Variants in GDAP1 observed in about 807,000 individuals in gnomAD.
GDAP1 encodes the protein ganglioside induced differentiation associated protein 1, also known as ganglioside-induced differentiation-associated protein 1.
GDAP1 carries 34 observed loss-of-function variants against 40.1 expected under a neutral mutation model. The observed-to-expected ratio is 0.85, with a 90% CI of 0.64 to 1.13. The LOEUF is 1.13. Ranked by LOEUF, GDAP1 falls within the 50% of genes most tolerant of loss-of-function variation. The pLI is 0.00. For synonymous variants in GDAP1, 170 were observed against 157.4 expected, an observed-to-expected ratio of 1.08 and a Z score of -0.60; for missense variants, 374 against 433.7, an observed-to-expected ratio of 0.86 and a Z score of 1.22.
chr8:74,400,437 T>G (rs56222119), intron 2 of GDAP1, among the ~76,000 whole-genome samples: 71,218 of 148,960 alleles, frequency 0.48, 18,419 homozygotes, highest in East Asian at 0.6. Context: ...ATTTTGAGTC[T>G]ATGTGTGTCT....
intron 2 of GDAP1, among the ~76,000 whole-genome samples, chr8:74,398,945 G>T (rs572506975): frequency 2.0e-5 from 3 of 152,166 alleles, no homozygotes; most frequent in South Asian, 4.1e-4. Context: ...GCTGGATTTG[G>T]TTTGCCAGTA....
chr8:74,482,118 TTGG>T (rs5892459), intron 2 of GDAP1, among the ~76,000 whole-genome samples: 46,064 of 117,510 alleles, frequency 0.39, 8,920 homozygotes, highest in Non-Finnish European at 0.45. Flanking sequence ...GGGTTTTTTT[TTGG>T]GGGGGGGGGG....
intron 2 of GDAP1, among the ~76,000 whole-genome samples, chr8:74,419,519 T>C (rs1052238043): frequency 6.6e-6 from 1 of 152,142 alleles, no homozygotes; most frequent in African/African-American, 2.4e-5. Context: ...AAAATTGGGA[T>C]GCTTGCTTTT....
intron 2 of GDAP1, among the ~76,000 whole-genome samples, chr8:74,473,202 G>T (rs1288914245): frequency 6.6e-6 from 1 of 151,444 alleles, no homozygotes; most frequent in African/African-American, 2.4e-5. Flanking sequence ...TTAGACCTTT[G>T]TCCGATGCAT....
At chr8:74,475,959 G>T (rs1014802450) in intron 2 of GDAP1, among the ~76,000 whole-genome samples, 4 of 152,110 alleles carry the variant, frequency 2.6e-5, no homozygotes, top group African/African-American at 9.7e-5. Context: ...ATGAATTTGG[G>T]TGCTTCTGTG....
At chr8:74,425,266 T>C (rs999320137) in intron 2 of GDAP1, among the ~76,000 whole-genome samples, 1 of 152,372 alleles carries the variant, frequency 6.6e-6, no homozygotes, top group East Asian at 1.9e-4. Context: ...CCATTTTCAA[T>C]GTCTCACATA....
chr8:74,485,467 C>T (rs1586850002), intron 2 of GDAP1, among the ~76,000 whole-genome samples: 1 of 152,180 alleles, frequency 6.6e-6, no homozygotes, highest in Non-Finnish European at 1.5e-5. Context: ...TAGGTGGTCC[C>T]TCGGCATATG....
chr8:74,457,543 T>C (rs541689991), intron 2 of GDAP1, among the ~76,000 whole-genome samples: 1 of 151,922 alleles, frequency 6.6e-6, no homozygotes, highest in South Asian at 2.1e-4. Context: ...TGTTATCAGA[T>C]TGTTTCAAAC....
At chr8:74,470,331 C>T (rs1806533817) in intron 2 of GDAP1, among the ~76,000 whole-genome samples, 1 of 152,238 alleles carries the variant, frequency 6.6e-6, no homozygotes, top group Admixed American at 6.5e-5. Context: ...TATACATGTG[C>T]CATGTTGGTG....
At chr8:74,418,793 G>T (rs918120531) in intron 2 of GDAP1, among the ~76,000 whole-genome samples, 2 of 151,964 alleles carry the variant, frequency 1.3e-5, no homozygotes, top group African/African-American at 4.8e-5. Context: ...TTCAGCAAAG[G>T]TCATGTATTT....
Position 74,365,750 on chromosome 8 carries a change from G to A in GDAP1, c.*1383G>A. 2 of 454,468 alleles carry A rather than the reference G, an allele frequency of 4.4e-6. No homozygotes were observed. 28.2% of individuals were successfully genotyped at this position (454,468 alleles called of 1,614,324 possible). ...TGTAATTCCATTTCATGACCTAGTT[G>A]TATTAGAAAACCTTGATGAACTATA... is the stretch of plus-strand genomic sequence containing the variant. On this transcript the variant is annotated 3_prime_UTR_variant, in exon 6 of 6. Coordinates refer to ENST00000220822, the MANE Select transcript of GDAP1 (RefSeq NM_018972.4).
intron 2 of GDAP1, among the ~76,000 whole-genome samples, chr8:74,372,945 A>G (rs1384503409): frequency 5.9e-5 from 9 of 152,144 alleles, no homozygotes; most frequent in Non-Finnish European, 1.3e-4. Flanking sequence ...ATTTTTGTAT[A>G]AGATGTAAGG....
At chr8:74,383,528 C>A (rs1414473523) in intron 2 of GDAP1, among the ~76,000 whole-genome samples, 3 of 152,140 alleles carry the variant, frequency 2.0e-5, no homozygotes, top group Non-Finnish European at 4.4e-5. Context: ...TCAGTTTCTA[C>A]AAATATTTCC....
intron 2 of GDAP1, among the ~76,000 whole-genome samples, chr8:74,484,995 C>T (rs191191040): frequency 1.3e-5 from 2 of 152,206 alleles, no homozygotes; most frequent in African/African-American, 2.4e-5. Context: ...TTATCCTTTA[C>T]CATTTCAAAC....
Position 74,365,116 on chromosome 8 carries a change from A to G in GDAP1, c.*749A>G. On this transcript the variant is annotated 3_prime_UTR_variant, in exon 6 of 6. Coordinates refer to ENST00000220822, the MANE Select transcript of GDAP1 (RefSeq NM_018972.4). ...GTGGCATCTGTAGCCCTCTTCATAC[A>G]CATAAGTGGCATTTAGGTGAATGTC... 1 of 454,084 alleles carries G rather than the reference A, an allele frequency of 2.2e-6. No homozygotes were observed. The highest frequency in any genetic ancestry group is 4.4e-6 in the Non-Finnish European group (1 of 226,798). The allele number at this position is 454,084 out of a possible 1,614,324, so 28.1% of individuals were successfully genotyped here.
chr8:74,377,303 G>A (rs1053564922), intron 2 of GDAP1, among the ~76,000 whole-genome samples: 2 of 152,008 alleles, frequency 1.3e-5, no homozygotes, highest in East Asian at 1.9e-4. Context: ...ACCTGACAAA[G>A]GATGTATAGT....
rs965906229 is a variant in GDAP1 at position 74,351,199 on chromosome 8, T to C, written c.118-75T>C. ...GTAACACAGGGAAGCCCAGAAAGGC[T>C]GCTTAGCGGTGTCCAGGGAAGTCAT... On this transcript the variant is annotated intron_variant, in intron 1 of 5. Transcript: ENST00000220822. 61 of 1,196,418 alleles carry C rather than the reference T, an allele frequency of 5.1e-5. No homozygotes were observed. The African/African-American group carries it at 7.3e-4, about 14-fold the overall frequency. 74.1% of individuals were successfully genotyped at this position (1,196,418 alleles called of 1,614,324 possible). A position where few individuals can be genotyped will look rare whatever the true frequency, so the allele number is the denominator to read the frequency against.
At position 74,350,551 on chromosome 8, in the gene GDAP1, T is replaced by C. The variant is rs555369956; in HGVS notation, c.90T>C (p.His30=). The C allele has an allele frequency of 3.5e-4, 560 of 1,609,066 alleles. 13 individuals carry two copies. In the South Asian group the frequency reaches 4.1e-3, roughly 12 times the overall value. ...ADAEVKLILY[H]WTHSFSSQKV... ...CGGAGGTTAAGCTCATTCTGTACCATTGGACGCATTCCTTCAGCTCTCAAA... is the reference window on the plus strand; with the variant it reads ...CGGAGGTTAAGCTCATTCTGTACCACTGGACGCATTCCTTCAGCTCTCAAA... Residue 30 remains histidine (H), a synonymous_variant, in exon 1 of 6, where the codon CAT becomes CAC. Coordinates refer to ENST00000220822, the MANE Select transcript of GDAP1 (RefSeq NM_018972.4).
At chr8:74,444,154 G>A (rs1041232943) in intron 2 of GDAP1, among the ~76,000 whole-genome samples, 2 of 150,794 alleles carry the variant, frequency 1.3e-5, no homozygotes, top group Non-Finnish European at 2.9e-5. Context: ...ACTGTCCATG[G>A]TGACTGGTGA....
Sources: gnomAD v4.1 joint callset for allele counts (sites outside exome capture counted in the v4.1 genomes callset) on GRCh38, gnomAD v4.1.1 for gene constraint, MANE v1.5 for transcripts, NCBI Gene and HGNC (gene_info 2026-07-23, HGNC 2026-07-21) for gene names.